Variants in TARS3 observed in about 807,000 individuals in gnomAD.
TARS3 encodes threonyl-tRNA synthetase 3, also known as threonine--tRNA ligase 2, cytoplasmic.
TARS3 carries 94 observed loss-of-function variants against 103.5 expected under a neutral mutation model. The ratio of observed to expected loss-of-function variants is 0.91; its 90% CI spans 0.77 to 1.08. TARS3 has a LOEUF of 1.08. TARS3 is among the 50% of genes least tolerant of loss of function. The probability of loss-of-function intolerance (pLI) is 0.00; values close to 1 mark genes in which losing one functional copy is unlikely to be tolerated. For missense variants in TARS3, 952 were observed against 995.2 expected (o/e 0.96, Z 0.58); for synonymous variants, 416 against 355.4 (o/e 1.17, Z -1.92).
Position 101,653,686 on chromosome 15 carries a change from A to G in TARS3, c.*896T>C, listed in dbSNP as rs1897093991. The G allele has an allele frequency of 6.6e-6, 1 of 152,238 alleles. No individual in the cohort carries two copies. Among genetic ancestry groups the G allele is most frequent in the African/African-American group, 2.4e-5 (1 of 41,460 alleles). The allele number at this position is 152,238 out of a possible 1,614,324, so 9.4% of individuals were successfully genotyped here. A position where few individuals can be genotyped will look rare whatever the true frequency, so the allele number is the denominator to read the frequency against. ...ATGATCAGTATATTGAAAAGAGATT[A>G]TTTCTTACATTTCTTTTGAATTTCA... On this transcript the variant is annotated 3_prime_UTR_variant, in exon 19 of 19. Coordinates refer to ENST00000335968, the MANE Select transcript of TARS3 (RefSeq NM_152334.3).
intron 12 of TARS3, among the ~76,000 whole-genome samples, chr15:101,683,023 AGTCT>A (rs1382003321): frequency 6.6e-6 from 1 of 152,074 alleles, no homozygotes; most frequent in East Asian, 1.9e-4. Flanking sequence ...TTCCCTCATC[AGTCT>A]GACTAAAGGT....
chr15:101,696,461 C>A, intron 10 of TARS3, among the ~76,000 whole-genome samples: 1 of 152,022 alleles, frequency 6.6e-6, no homozygotes, highest in Non-Finnish European at 1.5e-5. Context: ...AATGCGAGAA[C>A]CACCCACAGG....
Position 101,661,872 on chromosome 15 carries a change from C to T in TARS3, c.1968-56G>A, listed in dbSNP as rs777443281. The T allele has an allele frequency of 3.7e-5, 40 of 1,069,554 alleles. No homozygotes were observed. The African/African-American group carries it at 4.1e-4, about 11-fold the overall frequency. 66.3% of individuals were successfully genotyped at this position (1,069,554 alleles called of 1,614,324 possible). On this transcript the variant is annotated intron_variant, in intron 15 of 18. Coordinates refer to ENST00000335968, the MANE Select transcript of TARS3 (RefSeq NM_152334.3). ...TTTCCTAAGATTCAATAACTATCTTCTAGCCTTATATTTAATTTTGAGAAT... is the reference window on the plus strand; with the variant it reads ...TTTCCTAAGATTCAATAACTATCTTTTAGCCTTATATTTAATTTTGAGAAT...
intron 15 of TARS3, chr15:101,664,536 G>A (rs1897503864): frequency 6.6e-6 from 1 of 152,148 alleles, no homozygotes; most frequent in Non-Finnish European, 1.5e-5. Flanking sequence ...GAACAGATGT[G>A]AATATCACTA....
rs187013891 is a variant in TARS3 at position 101,685,206 on chromosome 15, A to G, written c.1487+690T>C. Among the ~76,000 whole-genome samples the G allele has an allele frequency of 2.0e-3, 302 of 152,306 alleles. 5 individuals are homozygous for G. Among genetic ancestry groups the G allele is most frequent in the Admixed American group, 0.011 (164 of 15,304 alleles). ...GAAACTATGTATGTTGATAATACAA[A>G]AACTACAATTGTTGGGATTGTTTTT... On this transcript the variant is annotated intron_variant, in intron 11 of 18. Transcript: ENST00000335968.
chr15:101,709,753 C>T (rs1899763913), intron 5 of TARS3, among the ~76,000 whole-genome samples: 1 of 152,220 alleles, frequency 6.6e-6, no homozygotes, highest in Non-Finnish European at 1.5e-5. Context: ...CAGCACAGAG[C>T]ACACAGCAGG....
At chr15:101,718,625 T>C (rs575977237) in intron 3 of TARS3, among the ~76,000 whole-genome samples, 11 of 152,228 alleles carry the variant, frequency 7.2e-5, no homozygotes, top group South Asian at 4.1e-4. Context: ...TAGAGGCCAG[T>C]GGAACTGCAA....
At chr15:101,661,101 G>GGATGCACTACTCAAAAAGGACCACAA (rs1897357491) in intron 16 of TARS3, among the ~76,000 whole-genome samples, 1 of 88,892 alleles carries the variant, frequency 1.1e-5, no homozygotes, top group Non-Finnish European at 2.8e-5. Context: ...AAGGACCACA[G>GGATGCACTACTCAAAAAGGACCACAA]GATGCACCAC....
chr15:101,669,544 G>A (rs146904603), intron 15 of TARS3, among the ~76,000 whole-genome samples: 6 of 152,214 alleles, frequency 3.9e-5, no homozygotes, highest in Admixed American at 6.5e-5. Context: ...AGCAGCTTCC[G>A]GTTATGCAAG....
At chr15:101,706,366 G>T (rs949186442) in intron 6 of TARS3, among the ~76,000 whole-genome samples, 1 of 152,136 alleles carries the variant, frequency 6.6e-6, no homozygotes, top group Non-Finnish European at 1.5e-5. Flanking sequence ...GTTGCAAAAA[G>T]AAGAAGAAAA....
chr15:101,691,877 T>A (rs1898741957), intron 10 of TARS3, among the ~76,000 whole-genome samples: 1 of 151,204 alleles, frequency 6.6e-6, no homozygotes, highest in Non-Finnish European at 1.5e-5. Flanking sequence ...TCTCTGTGTA[T>A]GTACCTGAGC....
chr15:101,694,352 G>A (rs1332583697), intron 10 of TARS3, among the ~76,000 whole-genome samples: 1 of 152,228 alleles, frequency 6.6e-6, no homozygotes, highest in East Asian at 1.9e-4. Context: ...CTTCCTGGTA[G>A]AATGCGGCCA....
chr15:101,712,104 G>GC, intron 4 of TARS3, 103 bp from the exon 5 acceptor site: 4 of 1,276,126 alleles, frequency 3.1e-6, no homozygotes, highest in Non-Finnish European at 4.2e-6. Context: ...GAGATACATG[G>GC]CAAGACCAAG....
rs572492158 is a variant in TARS3 at position 101,700,972 on chromosome 15, T to C, written c.1320+114A>G. The C allele has an allele frequency of 2.7e-5, 18 of 676,916 alleles. 1 individual carries two copies. The African/African-American group carries it at 3.3e-4, about 13-fold the overall frequency. The allele number at this position is 676,916 out of a possible 1,614,324, so 41.9% of individuals were successfully genotyped here. A position where few individuals can be genotyped will look rare whatever the true frequency, so the allele number is the denominator to read the frequency against. On this transcript the variant is annotated intron_variant, in intron 10 of 18. Transcript: ENST00000335968. Reference sequence around the variant, plus strand: ...CTCACTTTTAACCTCAAAATTCTTATTAATGTTACCAAAGTAAAGTTAATG... The same window carrying C: ...CTCACTTTTAACCTCAAAATTCTTACTAATGTTACCAAAGTAAAGTTAATG...
chr15:101,675,595 CTT>C lies in TARS3; in HGVS notation c.1788+3_1788+4del. The stretch of plus-strand genomic sequence containing the variant: ...TGAAGAGGAAGCACAAGGTGTGTCT[CTT>C]ACCTTCTCAGCCTCATTCCACATCT... On this transcript the variant is annotated splice_donor_region_variant and intron_variant, in intron 13 of 18. Transcript: ENST00000335968. 6.2e-7 allele frequency: 1 copy of C among 1,612,270 alleles called. No individual in the cohort carries two copies. Among genetic ancestry groups the C allele is most frequent in the Non-Finnish European group, 8.5e-7 (1 of 1,179,416 alleles).
At chr15:101,688,993 T>C (rs532651019) in intron 10 of TARS3, among the ~76,000 whole-genome samples, 78 of 152,308 alleles carry the variant, frequency 5.1e-4, no homozygotes, top group African/African-American at 1.7e-3. Flanking sequence ...CCTTGGAGCT[T>C]TGGAATCTTT....
chr15:101,658,311 CA>C lies in TARS3; in HGVS notation c.2073-455del, dbSNP rs36121104. Among the ~76,000 whole-genome samples, 629 of 70,154 alleles carry C rather than the reference CA, an allele frequency of 9.0e-3. 1 individual carries two copies. Among genetic ancestry groups the C allele is most frequent in the African/African-American group, 0.024 (379 of 15,966 alleles). The allele number at this position is 70,154 out of a possible 152,430, so 46.0% of individuals were successfully genotyped here. The stretch of plus-strand genomic sequence containing the variant: ...ACTGTGGAACGTGGAACACCATCAG[CA>C]AAAAAAAAAAAAAAAAAAAGGAACC... On this transcript the variant is annotated intron_variant, in intron 16 of 18. Coordinates refer to ENST00000335968, the MANE Select transcript of TARS3 (RefSeq NM_152334.3).
At chr15:101,687,724 T>C (rs1298846865) in intron 10 of TARS3, among the ~76,000 whole-genome samples, 2 of 152,150 alleles carry the variant, frequency 1.3e-5, no homozygotes, top group Non-Finnish European at 2.9e-5. Flanking sequence ...AAAATTGTGA[T>C]ATTGATACCT....
chr15:101,665,002 A>G (rs991744725), intron 15 of TARS3, among the ~76,000 whole-genome samples: 6 of 152,258 alleles, frequency 3.9e-5, no homozygotes, highest in Admixed American at 1.3e-4. Context: ...AGCAACAGAG[A>G]TGGTAAAGAG....
Sources: gnomAD v4.1 joint callset for allele counts (sites outside exome capture counted in the v4.1 genomes callset) on GRCh38, gnomAD v4.1.1 for gene constraint, MANE v1.5 for transcripts, NCBI Gene and HGNC (gene_info 2026-07-23, HGNC 2026-07-21) for gene names.